Variants in GAPVD1 observed in about 807,000 individuals in gnomAD.
The protein encoded by GAPVD1 is GTPase activating protein and VPS9 domains 1.
In GAPVD1, 35 loss-of-function variants were observed where a neutral mutation model predicts 155.5. The ratio of observed to expected loss-of-function variants is 0.23; its 90% CI spans 0.17 to 0.30. GAPVD1 has a LOEUF of 0.30. GAPVD1 is among the 10% of genes least tolerant of loss of function. The probability of loss-of-function intolerance (pLI) is 1.00; values close to 1 mark genes in which losing one functional copy is unlikely to be tolerated. For missense variants in GAPVD1, 1,429 were observed against 1,775.7 expected, an observed-to-expected ratio of 0.80 and a Z score of 3.51; for synonymous variants, 636 against 619.7, an observed-to-expected ratio of 1.03 and a Z score of -0.39.
intron 23 of GAPVD1, among the ~76,000 whole-genome samples, chr9:125,353,120 AAAATGAATACCTTTAAT>A (rs751429020): frequency 4.6e-5 from 7 of 152,170 alleles, no homozygotes; most frequent in Non-Finnish European, 7.3e-5. Context: ...GAAAAAAAAA[AAAATGAATACCTTTAAT>A]AGCACCCAAG....
chr9:125,293,850 TTTTATATATATATA>T (rs1391712872), intron 2 of GAPVD1, among the ~76,000 whole-genome samples: 11 of 42,862 alleles, frequency 2.6e-4, no homozygotes, highest in African/African-American at 1.2e-3. Context: ...TAAAAATATA[TTTTATATATATATA>T]TATATATATA....
intron 4 of GAPVD1, among the ~76,000 whole-genome samples, chr9:125,300,853 T>G (rs983331893): frequency 2.0e-5 from 3 of 152,122 alleles, no homozygotes; most frequent in Non-Finnish European, 2.9e-5. Flanking sequence ...TGTGGTTTTT[T>G]CCCCACATCT....
chr9:125,289,224 GGAGCA>G (rs986938959), intron 2 of GAPVD1, among the ~76,000 whole-genome samples: 1 of 152,152 alleles, frequency 6.6e-6, no homozygotes, highest in Non-Finnish European at 1.5e-5. Flanking sequence ...AAGGTGGTGA[GGAGCA>G]GATAATGGAG....
At chr9:125,310,921 C>T (rs1030719369) in intron 8 of GAPVD1, among the ~76,000 whole-genome samples, 10 of 151,730 alleles carry the variant, frequency 6.6e-5, no homozygotes, top group Admixed American at 3.3e-4. Context: ...CTCACTGCAA[C>T]CTCCGCCTCC....
rs567795018 is a variant in GAPVD1, at chr9:125,284,618, C to A, written c.-149-10840C>A. 2.0e-5 allele frequency among the ~76,000 whole-genome samples: 3 copies of A among 152,144 alleles called. No individual in the cohort carries two copies. The East Asian group carries it at 5.8e-4, about 29-fold the overall frequency. On this transcript the variant is annotated intron_variant, in intron 2 of 27. Transcript: ENST00000297933. ...GAGACACCACACCTCTGGCCTCCTTCAGAATTTTAATGTGCAGTCATGGGT... is the reference window on the plus strand; with the variant it reads ...GAGACACCACACCTCTGGCCTCCTTAAGAATTTTAATGTGCAGTCATGGGT...
Position 125,307,507 on chromosome 9 carries a change from G to T in GAPVD1, c.1211G>T (p.Arg404Ile). 6.2e-7 allele frequency: 1 copy of T among 1,611,142 alleles called. No homozygotes were observed. ...GTCAATCTTCTGGAAGGATTGAGCA[G>T]AACTGTGGTTTATATAACCTACAGT... ...SSVNLLEGLS[R>I]TVVYITYSQL... The change falls in exon 7 of 28, where the codon AGA becomes ATA. Residue 404 changes from arginine (R) to isoleucine (I), a missense_variant. By Grantham distance (97) the Arg-to-Ile change is moderately conservative (BLOSUM62 -3). Coordinates refer to ENST00000297933, the MANE Select transcript of GAPVD1 (RefSeq NM_001282680.3).
At position 125,312,492 on chromosome 9, in the gene GAPVD1, A is replaced by T; in HGVS notation, c.1482A>T (p.Leu494=). The stretch of plus-strand genomic sequence containing the variant: ...GCCGCACCAATATGCTAATGGACCT[A>T]CATATGGACCATGAAGGATCATCTC... ...SRSRTNMLMD[L]HMDHEGSSQE... is the part of the protein sequence containing the mutation. Residue 494 remains leucine (L), a synonymous_variant, in exon 9 of 28, where the codon CTA becomes CTT. Transcript: ENST00000297933. 6.2e-7 allele frequency: 1 copy of T among 1,600,514 alleles called. No individual in the cohort carries two copies. Among genetic ancestry groups the T allele is most frequent in the Non-Finnish European group, 8.5e-7 (1 of 1,172,926 alleles).
chr9:125,276,626 T>G (rs1395108232), intron 2 of GAPVD1, among the ~76,000 whole-genome samples: 2 of 151,994 alleles, frequency 1.3e-5, no homozygotes, highest in Non-Finnish European at 2.9e-5. Flanking sequence ...GAGGCGGAGG[T>G]TGCAGTGAGC....
At position 125,350,864 on chromosome 9, in the gene GAPVD1, G is replaced by A; in HGVS notation, c.3561G>A (p.Glu1187=). The change falls in exon 23 of 28, where the codon GAG becomes GAA. Residue 1187 remains glutamate (E), a synonymous_variant. Coordinates refer to ENST00000297933, the MANE Select transcript of GAPVD1 (RefSeq NM_001282680.3). ...GGAAACTGCTGGCTTCGATTGCTGA[G>A]GACTACAGGTAATATACCCCACCTG... The part of the protein sequence containing the change: ...TCRKLLASIA[E]DYRKRAPYIA... 6.2e-7 allele frequency: 1 copy of A among 1,612,794 alleles called. No homozygotes were observed.
At chr9:125,306,555 C>A (rs1333898013) in intron 6 of GAPVD1, among the ~76,000 whole-genome samples, 1 of 151,972 alleles carries the variant, frequency 6.6e-6, no homozygotes, top group African/African-American at 2.4e-5. Flanking sequence ...CCCAGTGATG[C>A]CATCTCAGCT....
chr9:125,305,955 T>C (rs1035214624), intron 6 of GAPVD1, among the ~76,000 whole-genome samples: 1 of 152,218 alleles, frequency 6.6e-6, no homozygotes, highest in African/African-American at 2.4e-5. Context: ...GCCTGGTCGA[T>C]AATTGTTTAA....
In GAPVD1 at chr9:125,323,757, C is replaced by G. The variant is rs374411640; in HGVS notation, c.1733-41C>G. 1.9e-6 allele frequency: 3 copies of G among 1,607,430 alleles called. No individual in the cohort carries two copies. In the African/African-American group the frequency reaches 4.0e-5, roughly 21 times the overall value. On this transcript the variant is annotated intron_variant, in intron 10 of 27. Transcript: ENST00000297933. ...TGAAAAATTGTGTGGTGGCTCATGA[C>G]TGTTTTAAAAAGATTGCTCACACTA...
At position 125,302,646 on chromosome 9, in the gene GAPVD1, C is replaced by G. The variant is rs749152514; in HGVS notation, c.849C>G (p.Ile283Met). ...TYCFPHSLRW[I>M]VSQMYKTLSC... The stretch of plus-strand genomic sequence containing the variant: ...GTTTTCCACATAGTTTAAGGTGGAT[C>G]GTGTCTCAGATGTACAAAACCCTCT... Residue 283 changes from isoleucine to methionine, a missense_variant, in exon 5 of 28, where the codon ATC (isoleucine) becomes ATG (methionine). Physicochemically the swap from Ile to Met is conservative, Grantham distance 10. This residue lies in a region of GAPVD1 where 628 missense variants were observed against 733.4 expected (regional missense o/e 0.86). Transcript: ENST00000297933. 6.2e-7 allele frequency: 1 copy of G among 1,613,680 alleles called. No homozygotes were observed. Among genetic ancestry groups the G allele is most frequent in the Admixed American group, 1.7e-5 (1 of 59,986 alleles).
intron 11 of GAPVD1, among the ~76,000 whole-genome samples, chr9:125,325,709 C>A (rs904001730): frequency 6.6e-6 from 1 of 151,922 alleles, no homozygotes; most frequent in African/African-American, 2.4e-5. Context: ...AAAAGTAATG[C>A]TGTATTTTAC....
At chr9:125,297,816 C>T (rs1023500802) in intron 3 of GAPVD1, among the ~76,000 whole-genome samples, 2 of 152,012 alleles carry the variant, frequency 1.3e-5, no homozygotes, top group Non-Finnish European at 2.9e-5. Context: ...CATGATCTCA[C>T]CTCACTGCAA....
intron 22 of GAPVD1, 62 bp downstream of exon 22, chr9:125,350,466 C>T (rs1849133511): frequency 3.8e-6 from 4 of 1,056,484 alleles, no homozygotes; most frequent in Non-Finnish European, 5.9e-6. Context: ...TATGAAATTG[C>T]CAGTATTCAG....
intron 9 of GAPVD1, among the ~76,000 whole-genome samples, chr9:125,314,260 GA>G (rs1277435995): frequency 6.6e-5 from 10 of 152,178 alleles, no homozygotes; most frequent in African/African-American, 2.4e-4. Flanking sequence ...AAAAATGGAA[GA>G]AATAATGGAA....
chr9:125,319,157 A>C (rs3126227), intron 9 of GAPVD1, among the ~76,000 whole-genome samples: 90,969 of 151,434 alleles, frequency 0.6, 29,440 homozygotes, highest in African/African-American at 0.87. Flanking sequence ...GCCTAGGTGA[A>C]AGATTGAGAC....
chr9:125,276,458 A>G (rs1441153856), intron 2 of GAPVD1, among the ~76,000 whole-genome samples: 1 of 152,180 alleles, frequency 6.6e-6, no homozygotes, highest in Non-Finnish European at 1.5e-5. Context: ...TTGGGATTAC[A>G]CAGGCGGATC....
Sources: allele counts gnomAD v4.1 joint callset (sites outside exome capture counted in the v4.1 genomes callset), GRCh38; gene constraint gnomAD v4.1.1; regional missense constraint gnomAD v4.1.1; transcripts MANE v1.5; gene names NCBI Gene and HGNC (gene_info 2026-07-23, HGNC 2026-07-21).